NBEA: variants seen among roughly 807,000 people sequenced by gnomAD.
The protein encoded by NBEA is neurobeachin.
A neutral mutation model predicts 343.4 loss-of-function variants in NBEA; 44 were observed. The ratio of observed to expected loss-of-function variants is 0.13; its 90% CI spans 0.10 to 0.16. The LOEUF (loss-of-function observed/expected upper bound fraction) is 0.16. Among genes scored for constraint, NBEA ranks in the 10% least tolerant of loss-of-function variants. NBEA has a pLI of 1.00. For synonymous variants in NBEA, 1,175 were observed against 1,238.7 expected (o/e 0.95, Z 1.08); for missense variants, 2,555 against 3,631.3 (o/e 0.70, Z 7.62).
intron 34 of NBEA, among the ~76,000 whole-genome samples, chr13:35,285,162 G>C (rs1393702953): frequency 1.3e-5 from 2 of 152,090 alleles, no homozygotes; most frequent in African/African-American, 4.8e-5. Flanking sequence ...GGACCTGGTG[G>C]CTCAAGCCTG....
chr13:35,402,435 C>A (rs1388760382), intron 38 of NBEA, among the ~76,000 whole-genome samples: 1 of 151,912 alleles, frequency 6.6e-6, no homozygotes, highest in Non-Finnish European at 1.5e-5. Context: ...ACTAGCAGTT[C>A]TTTTTCTTGT....
intron 33 of NBEA, among the ~76,000 whole-genome samples, chr13:35,218,413 G>A (rs1328577462): frequency 2.0e-5 from 3 of 151,858 alleles, no homozygotes; most frequent in Non-Finnish European, 1.5e-5. Flanking sequence ...GTTTCAAAAT[G>A]TATATGTATA....
chr13:34,988,880 T>A (rs2060652726), intron 1 of NBEA, among the ~76,000 whole-genome samples: 1 of 151,058 alleles, frequency 6.6e-6, no homozygotes, highest in African/African-American at 2.4e-5. Context: ...TTATAAAAAT[T>A]AAAAATCCAT....
intron 1 of NBEA, among the ~76,000 whole-genome samples, chr13:35,025,918 A>T (rs2062005589): frequency 6.6e-6 from 1 of 152,030 alleles, no homozygotes; most frequent in African/African-American, 2.4e-5. Flanking sequence ...AATTTTAATT[A>T]GCTCCTTATT....
At chr13:35,578,225 A>G (rs1015206214) in intron 45 of NBEA, among the ~76,000 whole-genome samples, 1 of 152,216 alleles carries the variant, frequency 6.6e-6, no homozygotes, top group African/African-American at 2.4e-5. Context: ...GCCACTGACT[A>G]GCAACATGAT....
intron 33 of NBEA, among the ~76,000 whole-genome samples, chr13:35,222,676 C>T (rs746287312): frequency 1.3e-5 from 2 of 151,968 alleles, no homozygotes; most frequent in East Asian, 1.9e-4. Context: ...GGCTTCTCTA[C>T]GACTTACAAT....
At chr13:35,556,397 A>C (rs2079573991) in intron 44 of NBEA, among the ~76,000 whole-genome samples, 1 of 152,056 alleles carries the variant, frequency 6.6e-6, no homozygotes, top group Non-Finnish European at 1.5e-5. Context: ...GCATAAGTTG[A>C]ATTTTAACTT....
intron 10 of NBEA, among the ~76,000 whole-genome samples, chr13:35,079,619 C>T (rs542818533): frequency 1.3e-5 from 2 of 152,128 alleles, no homozygotes; most frequent in African/African-American, 4.8e-5. Context: ...AGATAGTATA[C>T]TAATAAAAAT....
At chr13:35,513,546 T>G (rs974687545) in intron 41 of NBEA, among the ~76,000 whole-genome samples, 2 of 152,048 alleles carry the variant, frequency 1.3e-5, no homozygotes, top group Non-Finnish European at 2.9e-5. Flanking sequence ...TTTTTTAGTC[T>G]TATTATCCAA....
chr13:35,351,926 G>T (rs2040220940), intron 37 of NBEA, among the ~76,000 whole-genome samples: 1 of 151,918 alleles, frequency 6.6e-6, no homozygotes, highest in African/African-American at 2.4e-5. Context: ...GAAACCATGA[G>T]TCTTTAATTA....
In NBEA at chr13:35,625,905, C is replaced by T. The variant is rs566613997; in HGVS notation, c.7450-2176C>T. Among the ~76,000 whole-genome samples, 36 of 152,214 alleles carry T rather than the reference C, an allele frequency of 2.4e-4. 1 individual carries two copies. In the South Asian group the frequency reaches 5.6e-3, roughly 24 times the overall value. On this transcript the variant is annotated intron_variant, in intron 48 of 58. Coordinates refer to ENST00000379939, the MANE Select transcript of NBEA (RefSeq NM_001385012.1). ...GACGTATAGAAACTGTCATGCATTG[C>T]TAGAGAGTGGGCACGGATGACTCAC... is the stretch of plus-strand genomic sequence containing the variant.
chr13:35,651,930 A>G (rs1374547864), intron 53 of NBEA, 54 bp downstream of exon 53: 7 of 981,078 alleles, frequency 7.1e-6, no homozygotes, highest in East Asian at 2.6e-5. Flanking sequence ...ATATTCATAT[A>G]TAGTTATTTT....
chr13:35,651,022 A>G (rs2084495097), intron 52 of NBEA, among the ~76,000 whole-genome samples: 1 of 152,226 alleles, frequency 6.6e-6, no homozygotes, highest in Admixed American at 6.5e-5. Flanking sequence ...CCATTCCATC[A>G]GAGATAGGCA....
intron 38 of NBEA, among the ~76,000 whole-genome samples, chr13:35,371,354 C>T (rs113646721): frequency 0.012 from 1,836 of 151,714 alleles, 46 homozygotes; most frequent in African/African-American, 0.043. Flanking sequence ...AAATATCTTT[C>T]TTCAGGTTCT....
chr13:35,379,667 AC>A (rs2041913633), intron 38 of NBEA, among the ~76,000 whole-genome samples: 1 of 149,488 alleles, frequency 6.7e-6, no homozygotes. Flanking sequence ...AGATTTGAAA[AC>A]CATTTGGAAT....
At chr13:35,144,189 G>A (rs1159671300) in intron 18 of NBEA, among the ~76,000 whole-genome samples, 1 of 152,088 alleles carries the variant, frequency 6.6e-6, no homozygotes, top group Non-Finnish European at 1.5e-5. Context: ...GGGGAGTGTG[G>A]GTATACTTAA....
At chr13:35,158,759 A>C (rs903592740) in intron 21 of NBEA, among the ~76,000 whole-genome samples, 11 of 152,136 alleles carry the variant, frequency 7.2e-5, no homozygotes, top group Non-Finnish European at 5.9e-5. Flanking sequence ...GCCTAAAAGA[A>C]AATAGCTTTT....
At chr13:35,580,976 C>T (rs942136655) in intron 45 of NBEA, among the ~76,000 whole-genome samples, 9 of 152,124 alleles carry the variant, frequency 5.9e-5, no homozygotes, top group African/African-American at 2.2e-4. Flanking sequence ...GAGACATGCT[C>T]CTTTTTAAAG....
chr13:35,014,840 C>T (rs1281295640), intron 1 of NBEA, among the ~76,000 whole-genome samples: 4 of 151,938 alleles, frequency 2.6e-5, no homozygotes, highest in African/African-American at 9.7e-5. Context: ...AGTCCCGCTG[C>T]CAGCACTGGG....
Sources: allele counts gnomAD v4.1 joint callset (sites outside exome capture counted in the v4.1 genomes callset), GRCh38; gene constraint gnomAD v4.1.1; transcripts MANE v1.5; gene names NCBI Gene and HGNC (gene_info 2026-07-23, HGNC 2026-07-21).